NTSR2: variants seen among roughly 807,000 people sequenced by gnomAD.
NTSR2 encodes the protein neurotensin receptor 2, also known as neurotensin receptor type 2.
In NTSR2, 22 loss-of-function variants were observed where a neutral mutation model predicts 24.1. The observed-to-expected ratio is 0.91, with a 90% CI of 0.65 to 1.30. The LOEUF (loss-of-function observed/expected upper bound fraction) is 1.30. Ranked by LOEUF, NTSR2 falls within the 50% of genes most tolerant of loss-of-function variation. The pLI, the probability that NTSR2 is intolerant of heterozygous loss-of-function variation, is 0.00. For missense variants in NTSR2, 570 were observed against 570.4 expected (o/e 1.00, Z 0.01); for synonymous variants, 291 against 267.0 (o/e 1.09, Z -0.88).
Position 11,660,066 on chromosome 2 carries a change from G to T in NTSR2, c.966C>A (p.Tyr322Ter). The T allele has an allele frequency of 1.2e-6, 2 of 1,613,884 alleles. No homozygotes were observed. The highest frequency in any genetic ancestry group is 1.7e-6 in the Non-Finnish European group (2 of 1,179,894). ...PYHARRLMYC[Y>*]VPDDAWTDPL... The stretch of plus-strand genomic sequence containing the variant: ...ACTCAGTCCACGCGTCATCAGGTAC[G>T]TAGCAGTACATGAGCCTGCGGGCAT... The change falls in exon 3 of 4, where the codon TAC (tyrosine) becomes TAA (stop). Residue 322 changes from tyrosine (Y) to a stop codon, truncating the protein, a stop_gained. Coordinates refer to ENST00000306928, the MANE Select transcript of NTSR2 (RefSeq NM_012344.4). LOFTEE classifies it low-confidence loss of function (END_TRUNC).
Position 11,660,163 on chromosome 2 carries a change from G to A in NTSR2, c.899-30C>T, listed in dbSNP as rs72773909. On this transcript the variant is annotated intron_variant, in intron 2 of 3. Transcript: ENST00000306928. ...AGAGCATTGGAAAGGGAGAGACAGCGCCAGGAGAAAGCAAACACATTCTCA... is the reference window on the plus strand; with the variant it reads ...AGAGCATTGGAAAGGGAGAGACAGCACCAGGAGAAAGCAAACACATTCTCA... The A allele has an allele frequency of 1.2e-3, 1,948 of 1,562,314 alleles. 5 individuals carry two copies. The highest frequency in any genetic ancestry group is 1.3e-3 in the Middle Eastern group (8 of 5,934).
Position 11,658,783 on chromosome 2 carries a change from C to G in NTSR2, c.990-61G>C. On this transcript the variant is annotated intron_variant, in intron 3 of 3. Transcript: ENST00000306928. ...TGTCACCTCCTCACAGTGTCCACTT[C>G]CTACTGGAGAATGCCTCTCCTCCAG... 11 of 1,573,654 alleles carry G rather than the reference C, an allele frequency of 7.0e-6. No homozygotes were observed. In the Admixed American group the frequency reaches 1.9e-4, roughly 28 times the overall value.
Position 11,667,308 on chromosome 2 carries a change from C to T in NTSR2, c.624+2198G>A, listed in dbSNP as rs147158270. Reference sequence around the variant, plus strand: ...CAGCCTCTTTCCCCTTCCACAATGGCTAGAATTTTTATTCAGAAACAGATT... The same window carrying T: ...CAGCCTCTTTCCCCTTCCACAATGGTTAGAATTTTTATTCAGAAACAGATT... On this transcript the variant is annotated intron_variant, in intron 1 of 3. Coordinates refer to ENST00000306928, the MANE Select transcript of NTSR2 (RefSeq NM_012344.4). Among the ~76,000 whole-genome samples the T allele has an allele frequency of 3.3e-4, 51 of 152,310 alleles. 1 individual carries two copies. The highest frequency in any genetic ancestry group is 4.3e-4 in the African/African-American group (18 of 41,562).
At chr2:11,660,289 C>T (rs969918166) in intron 2 of NTSR2, among the ~76,000 whole-genome samples, 156 bp from the exon 3 acceptor site, 3 of 152,188 alleles carry the variant, frequency 2.0e-5, no homozygotes, top group Non-Finnish European at 4.4e-5. Context: ...TTGAGGTTAT[C>T]TGATATATCC....
intron 1 of NTSR2, chr2:11,665,618 G>T (rs1661181143): frequency 6.6e-6 from 1 of 152,088 alleles, no homozygotes; most frequent in Admixed American, 6.5e-5. Flanking sequence ...ACATACCTAT[G>T]TAACTCCCAG....
intron 1 of NTSR2, 46 bp downstream of exon 1, chr2:11,669,460 G>GGGCGGGGGGGGGGGGCCCC: frequency 3.9e-6 from 1 of 254,726 alleles, no homozygotes; most frequent in Non-Finnish European, 6.9e-6. Flanking sequence ...TCCCAGCACC[G>GGGCGGGGGGGGGGGGCCCC]CCCCCCCACC....
Position 11,670,017 on chromosome 2 carries a change from A to G in NTSR2, c.113T>C (p.Leu38Pro). ...RLWAKVLFTA[L>P]YALIWALGAA... ...GCCCAGCGCCCAGATGAGTGCGTAG[A>G]GCGCGGTGAACAGCACCTTGGCCCA... is the stretch of plus-strand genomic sequence containing the variant. Residue 38 changes from leucine (L) to proline (P), a missense_variant, in exon 1 of 4, where the codon CTC becomes CCC. Leu to Pro is a moderately conservative substitution (Grantham distance 98). Coordinates refer to ENST00000306928, the MANE Select transcript of NTSR2 (RefSeq NM_012344.4). The G allele has an allele frequency of 6.6e-7, 1 of 1,517,456 alleles. No homozygotes were observed. Among genetic ancestry groups the G allele is most frequent in the South Asian group, 1.2e-5 (1 of 81,076 alleles). 94.0% of individuals were successfully genotyped at this position (1,517,456 alleles called of 1,614,324 possible).
intron 1 of NTSR2, 69 bp from the exon 2 acceptor site, chr2:11,662,309 C>G: frequency 7.2e-7 from 1 of 1,396,428 alleles, no homozygotes; most frequent in Non-Finnish European, 9.4e-7. Context: ...CTGGCTGTGC[C>G]CCAGACCCGG....
rs146832454 is a variant in NTSR2 at position 11,658,571 on chromosome 2, G to A, written c.1141C>T (p.His381Tyr). 2.7e-5 allele frequency: 44 copies of A among 1,614,070 alleles called. 1 individual carries two copies. In the African/African-American group the frequency reaches 4.4e-4, roughly 16 times the overall value. ...EAVSSLCGEH[H>Y]PMKRLPPKPQ... ...TTCGGGGGTAACCGCTTCATGGGGT[G>A]GTGCTCTCCACACAGGGAGCTGACG... Residue 381 changes from histidine to tyrosine, a missense_variant, in exon 4 of 4, where the codon CAC becomes TAC. Coordinates refer to ENST00000306928, the MANE Select transcript of NTSR2 (RefSeq NM_012344.4).
At chr2:11,663,270 C>T (rs1045752001) in intron 1 of NTSR2, among the ~76,000 whole-genome samples, 1 of 151,960 alleles carries the variant, frequency 6.6e-6, no homozygotes, top group Non-Finnish European at 1.5e-5. Context: ...ATGGGGTATC[C>T]TACACAGGAC....
chr2:11,661,223 G>A (rs1661064752), intron 2 of NTSR2, among the ~76,000 whole-genome samples: 1 of 152,220 alleles, frequency 6.6e-6, no homozygotes, highest in African/African-American at 2.4e-5. Context: ...TCTCCAAAGA[G>A]CTGAGCGCAA....
Position 11,669,698 on chromosome 2 carries a change from G to T in NTSR2, c.432C>A (p.Arg144=). ...GGGTCCGGCGTGGCGTCAGCAGGCT[G>T]CGGGCACGCAGGGGCTGGCACACGG... ...CLAVCQPLRA[R]SLLTPRRTRW... Residue 144 remains arginine (R), a synonymous_variant, in exon 1 of 4, where the codon CGC becomes CGA. Coordinates refer to ENST00000306928, the MANE Select transcript of NTSR2 (RefSeq NM_012344.4). 6.5e-7 allele frequency: 1 copy of T among 1,530,356 alleles called. No individual in the cohort carries two copies. The highest frequency in any genetic ancestry group is 8.7e-7 in the Non-Finnish European group (1 of 1,143,786). 94.8% of individuals were successfully genotyped at this position (1,530,356 alleles called of 1,614,324 possible).
Position 11,669,747 on chromosome 2 carries a change from C to G in NTSR2, c.383G>C (p.Gly128Ala). Reference protein sequence around the residue: ...CAYATVLSVAGLSAERCLAVC... With the variant: ...CAYATVLSVAALSAERCLAVC... ...GGCTAGGCAGCGCTCGGCGCTCAGG[C>G]CTGCCACGCTCAGCACCGTGGCGTA... The change falls in exon 1 of 4, where the codon GGC becomes GCC. Residue 128 changes from glycine (G) to alanine (A), a missense_variant. Transcript: ENST00000306928. The G allele has an allele frequency of 6.5e-7, 1 of 1,536,624 alleles. No individual in the cohort carries two copies. Among genetic ancestry groups the G allele is most frequent in the Non-Finnish European group, 8.7e-7 (1 of 1,147,802 alleles).
intron 3 of NTSR2, 35 bp downstream of exon 3, chr2:11,660,008 C>G (rs757994634): frequency 1.3e-6 from 2 of 1,581,058 alleles, no homozygotes; most frequent in African/African-American, 2.7e-5. Context: ...GTTGGGCCCC[C>G]TCCCTGTGTG....
intron 1 of NTSR2, 37 bp downstream of exon 1, chr2:11,669,468 AC>A (rs759920752): frequency 0.015 from 1,302 of 89,590 alleles, 7 homozygotes; most frequent in Non-Finnish European, 0.016. Context: ...CCGCCCCCCC[AC>A]CCCCCCTCCC....
In NTSR2 at chr2:11,658,776, T is replaced by A. The variant is rs1267205884; in HGVS notation, c.990-54A>T. The stretch of plus-strand genomic sequence containing the variant: ...GAGGACCTGTCACCTCCTCACAGTG[T>A]CCACTTCCTACTGGAGAATGCCTCT... On this transcript the variant is annotated intron_variant, in intron 3 of 3. Coordinates refer to ENST00000306928, the MANE Select transcript of NTSR2 (RefSeq NM_012344.4). The A allele has an allele frequency of 6.9e-6, 11 of 1,590,658 alleles. No individual in the cohort carries two copies. The Admixed American group carries it at 1.9e-4, about 27-fold the overall frequency.
At chr2:11,669,459 C>CGGGGGGGGGGGGGCGG in intron 1 of NTSR2, 47 bp downstream of exon 1, 1 of 337,894 alleles carries the variant, frequency 3.0e-6, no homozygotes, top group African/African-American at 2.2e-5. Flanking sequence ...CTCCCAGCAC[C>CGGGGGGGGGGGGGCGG]GCCCCCCCAC....
intron 1 of NTSR2, among the ~76,000 whole-genome samples, chr2:11,663,657 A>T (rs1249574588): frequency 6.6e-6 from 1 of 152,196 alleles, no homozygotes; most frequent in East Asian, 1.9e-4. Flanking sequence ...TACTGAACAT[A>T]AATTTAACCC....
chr2:11,662,004 G>T lies in NTSR2; in HGVS notation c.861C>A (p.Arg287=), dbSNP rs778212406. 6.2e-7 allele frequency: 1 copy of T among 1,611,358 alleles called. No individual in the cohort carries two copies. The highest frequency in any genetic ancestry group is 8.5e-7 in the Non-Finnish European group (1 of 1,178,704). The part of the protein sequence containing the change: ...QVSLVRHKDV[R]RIRSLQRSVQ... Reference sequence around the variant, plus strand: ...CGCTGCGCTGGAGGCTGCGGATCCGGCGCACGTCTTTATGTCTCACCAGGC... The same window carrying T: ...CGCTGCGCTGGAGGCTGCGGATCCGTCGCACGTCTTTATGTCTCACCAGGC... Residue 287 remains arginine, a synonymous_variant, in exon 2 of 4, where the codon CGC becomes CGA. Transcript: ENST00000306928.
Sources: allele counts gnomAD v4.1 joint callset (sites outside exome capture counted in the v4.1 genomes callset), GRCh38; gene constraint gnomAD v4.1.1; transcripts MANE v1.5; gene names NCBI Gene and HGNC (gene_info 2026-07-23, HGNC 2026-07-21).